The following RAD18 variants were observed in gnomAD, a reference collection of about 807,000 sequenced individuals.
RAD18 encodes E3 ubiquitin-protein ligase RAD18.
Under a neutral mutation model 60.4 loss-of-function variants are expected in RAD18, and 47 were observed. The observed-to-expected ratio is 0.78, with a 90% CI of 0.62 to 0.99. The LOEUF is 0.99. RAD18 is among the 50% of genes least tolerant of loss of function. The pLI, the probability that RAD18 is intolerant of heterozygous loss-of-function variation, is 0.00. For missense variants in RAD18, 640 were observed against 593.3 expected (o/e 1.08, Z -0.82); for synonymous variants, 225 against 195.5 (o/e 1.15, Z -1.26).
chr3:8,947,569 G>C (rs1231150942), intron 3 of RAD18, among the ~76,000 whole-genome samples: 1 of 152,156 alleles, frequency 6.6e-6, no homozygotes, highest in Non-Finnish European at 1.5e-5. Flanking sequence ...ATATAAGCAA[G>C]AATCTTTCTT....
intron 2 of RAD18, among the ~76,000 whole-genome samples, chr3:8,948,957 T>C (rs1940883972): frequency 6.6e-6 from 1 of 152,152 alleles, no homozygotes; most frequent in Non-Finnish European, 1.5e-5. Context: ...AAAAAATATA[T>C]ATCCAGGTTA....
intron 9 of RAD18, 40 bp downstream of exon 9, chr3:8,912,272 C>G (rs773943026): frequency 2.1e-6 from 3 of 1,409,348 alleles, no homozygotes; most frequent in East Asian, 2.4e-5. Context: ...AAAACAGCAA[C>G]TGAAGCTCTT....
intron 7 of RAD18, among the ~76,000 whole-genome samples, chr3:8,930,543 G>T (rs555467348): frequency 3.3e-5 from 5 of 152,160 alleles, no homozygotes; most frequent in African/African-American, 1.2e-4. Flanking sequence ...AGGTGGGTAT[G>T]AATTATATCT....
At chr3:8,938,880 A>T (rs1447490886) in intron 6 of RAD18, among the ~76,000 whole-genome samples, 1 of 152,216 alleles carries the variant, frequency 6.6e-6, no homozygotes, top group African/African-American at 2.4e-5. Context: ...AAGTTTGACT[A>T]GTATTTCATT....
chr3:8,903,035 A>G (rs1939941654), intron 9 of RAD18, among the ~76,000 whole-genome samples: 2 of 152,076 alleles, frequency 1.3e-5, no homozygotes, highest in African/African-American at 4.8e-5. Context: ...CAAAAAAAAA[A>G]AACAAAAAAC....
intron 1 of RAD18, 128 bp downstream of exon 1, chr3:8,963,207 C>A: frequency 9.4e-7 from 1 of 1,065,572 alleles, no homozygotes; most frequent in South Asian, 1.7e-5. Flanking sequence ...CAGGGCAGAG[C>A]CGGATACCCG....
At chr3:8,916,726 A>G (rs1940207249) in intron 7 of RAD18, among the ~76,000 whole-genome samples, 1 of 152,168 alleles carries the variant, frequency 6.6e-6, no homozygotes, top group African/African-American at 2.4e-5. Context: ...GTAACAGATA[A>G]CTTGACTCAG....
intron 11 of RAD18, among the ~76,000 whole-genome samples, chr3:8,898,609 AC>A (rs1939841723): frequency 6.6e-6 from 1 of 152,052 alleles, no homozygotes; most frequent in Admixed American, 6.6e-5. Flanking sequence ...CATCGTCTTG[AC>A]AAAAATTTCA....
intron 7 of RAD18, among the ~76,000 whole-genome samples, chr3:8,924,880 A>G (rs1282426636): frequency 6.6e-6 from 1 of 151,940 alleles, no homozygotes; most frequent in East Asian, 1.9e-4. Flanking sequence ...AAGACACAAC[A>G]TACCAGAATC....
chr3:8,927,252 T>C (rs1940458092), intron 7 of RAD18, among the ~76,000 whole-genome samples: 1 of 152,188 alleles, frequency 6.6e-6, no homozygotes, highest in South Asian at 2.1e-4. Context: ...GGGTGAAGGA[T>C]ACGAACAGAC....
chr3:8,920,546 C>T (rs369251670), intron 7 of RAD18, among the ~76,000 whole-genome samples: 13 of 152,018 alleles, frequency 8.6e-5, no homozygotes, highest in African/African-American at 1.9e-4. Context: ...AGCAAGGCAG[C>T]GGATGTAAAG....
chr3:8,891,234 C>T (rs604360), intron 11 of RAD18, among the ~76,000 whole-genome samples: 96,524 of 151,652 alleles, frequency 0.64, 32,150 homozygotes, highest in Non-Finnish European at 0.73. Flanking sequence ...CGGAGGATCA[C>T]GTAGTTCTGG....
At chr3:8,951,011 G>A (rs1940917845) in intron 2 of RAD18, among the ~76,000 whole-genome samples, 1 of 152,042 alleles carries the variant, frequency 6.6e-6, no homozygotes. Context: ...GAATAACCAA[G>A]AACTGCAGGA....
At chr3:8,925,230 T>A (rs1211562954) in intron 7 of RAD18, among the ~76,000 whole-genome samples, 36 of 151,812 alleles carry the variant, frequency 2.4e-4, no homozygotes, top group Admixed American at 2.3e-3. Context: ...AAAGGGGATA[T>A]CACCACCGAT....
At chr3:8,952,211 T>G (rs1940937974) in intron 2 of RAD18, among the ~76,000 whole-genome samples, 1 of 152,214 alleles carries the variant, frequency 6.6e-6, no homozygotes, top group Non-Finnish European at 1.5e-5. Flanking sequence ...CTTAACTTAT[T>G]CCAGTACCAA....
intron 9 of RAD18, 32 bp downstream of exon 9, chr3:8,912,280 C>A: frequency 6.8e-7 from 1 of 1,462,248 alleles, no homozygotes; most frequent in South Asian, 1.3e-5. Context: ...AACTGAAGCT[C>A]TTTACAAATT....
intron 9 of RAD18, among the ~76,000 whole-genome samples, chr3:8,911,402 G>C (rs964510989): frequency 2.6e-5 from 4 of 152,096 alleles, no homozygotes; most frequent in Admixed American, 6.6e-5. Context: ...CTGATCATTT[G>C]ATATTCTCTT....
rs1940578698 is a variant in RAD18 at position 8,932,583 on chromosome 3, T to C, written c.889+3288A>G. 2.1e-5 allele frequency among the ~76,000 whole-genome samples: 3 copies of C among 145,404 alleles called. No homozygotes were observed. In the South Asian group the frequency reaches 6.5e-4, roughly 31 times the overall value. On this transcript the variant is annotated intron_variant, in intron 7 of 12. Coordinates refer to ENST00000264926, the MANE Select transcript of RAD18 (RefSeq NM_020165.4). ...AAAATGATTCAGTCATTTGAAAAAC[T>C]GTATGGCAGGTTCTTATAGTTACAT...
At chr3:8,912,236 T>C in intron 9 of RAD18, 76 bp downstream of exon 9, 1 of 1,155,620 alleles carries the variant, frequency 8.7e-7, no homozygotes, top group South Asian at 1.5e-5. Context: ...ATATAAAACA[T>C]TATTCTGAAA....
Sources: allele counts gnomAD v4.1 joint callset (sites outside exome capture counted in the v4.1 genomes callset), GRCh38; gene constraint gnomAD v4.1.1; transcripts MANE v1.5; gene names NCBI Gene and HGNC (gene_info 2026-07-23, HGNC 2026-07-21).